WDR37: variants seen among roughly 807,000 people sequenced by gnomAD.
WDR37 encodes WD repeat domain 37.
In WDR37, 19 loss-of-function variants were observed where a neutral mutation model predicts 62.9. That is an observed-to-expected ratio of 0.30 (90% CI 0.21 to 0.44). WDR37 has a LOEUF of 0.44. Ranked by LOEUF, WDR37 falls within the 20% of genes least tolerant of loss-of-function variation. The pLI is 1.00. For missense variants in WDR37, 474 were observed against 657.6 expected, an observed-to-expected ratio of 0.72 and a Z score of 3.05; for synonymous variants, 250 against 260.9, an observed-to-expected ratio of 0.96 and a Z score of 0.40.
chr10:1,099,912 TGAG>T (rs1344922010), intron 9 of WDR37, among the ~76,000 whole-genome samples: 1 of 113,592 alleles, frequency 8.8e-6, no homozygotes, highest in African/African-American at 3.1e-5. Flanking sequence ...GGTGGAGAGG[TGAG>T]GAGGGTGAGC....
intron 11 of WDR37, among the ~76,000 whole-genome samples, chr10:1,113,356 G>C (rs1330492396): frequency 6.6e-6 from 1 of 152,172 alleles, no homozygotes; most frequent in Non-Finnish European, 1.5e-5. Flanking sequence ...GGCTCTGACG[G>C]AGATGTACAA....
At chr10:1,059,582 A>T (rs1251254324) in intron 1 of WDR37, among the ~76,000 whole-genome samples, 1 of 151,970 alleles carries the variant, frequency 6.6e-6, no homozygotes, top group Non-Finnish European at 1.5e-5. Context: ...GTGAATCATG[A>T]GGTCAGGAGT....
At chr10:1,092,090 G>C (rs1834408665) in intron 7 of WDR37, among the ~76,000 whole-genome samples, 1 of 148,924 alleles carries the variant, frequency 6.7e-6, no homozygotes, top group South Asian at 2.1e-4. Context: ...TGAGGCAGGA[G>C]AATGGCATGA....
At chr10:1,116,999 T>A (rs567447578) in intron 11 of WDR37, among the ~76,000 whole-genome samples, 2 of 152,226 alleles carry the variant, frequency 1.3e-5, no homozygotes, top group South Asian at 2.1e-4. Flanking sequence ...TCCTGTGATA[T>A]GAACCTAACA....
intron 8 of WDR37, 41 bp downstream of exon 8, chr10:1,093,537 G>A: frequency 1.3e-6 from 2 of 1,491,334 alleles, no homozygotes; most frequent in South Asian, 1.2e-5. Flanking sequence ...ATGATAGATG[G>A]TCTTAAAACA....
At chr10:1,118,627 A>G (rs1173145103) in intron 11 of WDR37, among the ~76,000 whole-genome samples, 1 of 152,250 alleles carries the variant, frequency 6.6e-6, no homozygotes, top group Non-Finnish European at 1.5e-5. Flanking sequence ...GGTGCTCAGC[A>G]GCAGAGCAGA....
intron 11 of WDR37, among the ~76,000 whole-genome samples, chr10:1,106,595 C>T (rs1441681732): frequency 3.3e-5 from 5 of 152,090 alleles, no homozygotes; most frequent in Non-Finnish European, 7.4e-5. Flanking sequence ...CGGCTCACTG[C>T]AGCCTCTGCC....
At chr10:1,062,256 TG>T (rs370765679) in intron 1 of WDR37, among the ~76,000 whole-genome samples, 18 of 152,340 alleles carry the variant, frequency 1.2e-4, no homozygotes, top group African/African-American at 4.1e-4. Flanking sequence ...TTGACTATTT[TG>T]TGAAGTGGCG....
chr10:1,117,596 A>C (rs1316490765), intron 11 of WDR37, among the ~76,000 whole-genome samples: 1 of 152,214 alleles, frequency 6.6e-6, no homozygotes, highest in African/African-American at 2.4e-5. Context: ...CCATCAGGCT[A>C]TTGACACATA....
At chr10:1,058,553 G>C (rs1395758410) in intron 1 of WDR37, among the ~76,000 whole-genome samples, 1 of 152,172 alleles carries the variant, frequency 6.6e-6, no homozygotes, top group Non-Finnish European at 1.5e-5. Context: ...GTTTAAAGTT[G>C]TTCTTTTAAC....
At chr10:1,068,597 T>C (rs1209142332) in intron 1 of WDR37, among the ~76,000 whole-genome samples, 1 of 152,122 alleles carries the variant, frequency 6.6e-6, no homozygotes, top group African/African-American at 2.4e-5. Flanking sequence ...TACCAAATGC[T>C]GGTGAGGATG....
At chr10:1,065,458 G>A (rs1283667845) in intron 1 of WDR37, among the ~76,000 whole-genome samples, 1 of 151,784 alleles carries the variant, frequency 6.6e-6, no homozygotes, top group Non-Finnish European at 1.5e-5. Context: ...TTTACCCCAC[G>A]AGAAGGCAAA....
At chr10:1,071,746 C>T in intron 1 of WDR37, among the ~76,000 whole-genome samples, 1 of 152,064 alleles carries the variant, frequency 6.6e-6, no homozygotes, top group East Asian at 1.9e-4. Flanking sequence ...CATTATATTC[C>T]TATTGGACAG....
intron 11 of WDR37, among the ~76,000 whole-genome samples, chr10:1,110,495 T>C (rs1402941282): frequency 1.3e-5 from 2 of 152,192 alleles, no homozygotes; most frequent in East Asian, 1.9e-4. Context: ...TCCTTACAAA[T>C]GTGTAGAGCT....
At chr10:1,109,408 A>G (rs1017775358) in intron 11 of WDR37, among the ~76,000 whole-genome samples, 1 of 152,202 alleles carries the variant, frequency 6.6e-6, no homozygotes, top group Non-Finnish European at 1.5e-5. Context: ...CTGTGAAGTG[A>G]AGTCAGTGCT....
At chr10:1,090,929 C>T (rs549018683) in intron 7 of WDR37, among the ~76,000 whole-genome samples, 121 of 152,226 alleles carry the variant, frequency 7.9e-4, no homozygotes, top group African/African-American at 2.6e-3. Flanking sequence ...CGTGCTGCCC[C>T]GGCCTTCCTG....
At chr10:1,057,244 A>G (rs1833213347) in intron 1 of WDR37, among the ~76,000 whole-genome samples, 2 of 147,274 alleles carry the variant, frequency 1.4e-5, no homozygotes, top group African/African-American at 5.1e-5. Context: ...GCGGTGCCAG[A>G]GGGACCAGGG....
intron 1 of WDR37, among the ~76,000 whole-genome samples, chr10:1,062,822 T>A (rs1253016127): frequency 6.6e-6 from 1 of 152,206 alleles, no homozygotes; most frequent in African/African-American, 2.4e-5. Context: ...GTGCAGTGGC[T>A]CACGCCTGTA....
chr10:1,090,348 G>C (rs1834345714), intron 7 of WDR37, among the ~76,000 whole-genome samples: 1 of 152,128 alleles, frequency 6.6e-6, no homozygotes, highest in African/African-American at 2.4e-5. Flanking sequence ...TAGTAGACGT[G>C]GGGTTTCACC....
Sources: gnomAD v4.1 joint callset for allele counts (sites outside exome capture counted in the v4.1 genomes callset) on GRCh38, gnomAD v4.1.1 for gene constraint, MANE v1.5 for transcripts, NCBI Gene and HGNC (gene_info 2026-07-23, HGNC 2026-07-21) for gene names.